RBFOX3: variants seen among roughly 807,000 people sequenced by gnomAD.
RBFOX3 encodes RNA binding protein fox-1 homolog 3.
RBFOX3 carries 17 observed loss-of-function variants against 48.7 expected under a neutral mutation model. The ratio of observed to expected loss-of-function variants is 0.35; its 90% CI spans 0.24 to 0.52. RBFOX3 has a LOEUF of 0.52. Ranked by LOEUF, RBFOX3 falls within the 20% of genes least tolerant of loss-of-function variation. The probability of loss-of-function intolerance (pLI) is 0.94; values close to 1 mark genes in which losing one functional copy is unlikely to be tolerated. For synonymous variants in RBFOX3, 212 were observed against 209.5 expected, an observed-to-expected ratio of 1.01 and a Z score of -0.10; for missense variants, 382 against 497.5, an observed-to-expected ratio of 0.77 and a Z score of 2.21.
Position 79,582,312 on chromosome 17 carries a change from G to A in RBFOX3, c.-320+28514C>T, listed in dbSNP as rs1045272016. Among the ~76,000 whole-genome samples the A allele has an allele frequency of 6.4e-3, 974 of 151,460 alleles. 16 individuals carry two copies. The highest frequency in any genetic ancestry group is 0.023 in the African/African-American group (923 of 40,846). On this transcript the variant is annotated intron_variant, in intron 1 of 14. Transcript: ENST00000693108. ...TGTGTGCATGCATGTGCCTATGCCT[G>A]TGTGTGTGTGCCTGTGCCTGTCCCT...
intron 4 of RBFOX3, among the ~76,000 whole-genome samples, chr17:79,174,165 TAGA>T (rs936636131): frequency 2.6e-5 from 4 of 152,066 alleles, no homozygotes; most frequent in Non-Finnish European, 5.9e-5. Flanking sequence ...AAACACCTGG[TAGA>T]AGGTTTCCTG....
chr17:79,467,815 C>T (rs1475537295), intron 2 of RBFOX3, among the ~76,000 whole-genome samples: 1 of 152,086 alleles, frequency 6.6e-6, no homozygotes, highest in Non-Finnish European at 1.5e-5. Flanking sequence ...CCTTTGAGTC[C>T]TCCCAGGAAG....
At chr17:79,263,402 C>T (rs867944715) in intron 3 of RBFOX3, among the ~76,000 whole-genome samples, 1 of 152,250 alleles carries the variant, frequency 6.6e-6, no homozygotes, top group East Asian at 1.9e-4. Context: ...GTTTGGAACG[C>T]TGGAAGGCAC....
chr17:79,091,761 C>T (rs2073959244), intron 14 of RBFOX3, among the ~76,000 whole-genome samples: 1 of 152,204 alleles, frequency 6.6e-6, no homozygotes, highest in Admixed American at 6.5e-5. Context: ...GCCTCCAGGA[C>T]AACCCCCTTG....
intron 4 of RBFOX3, among the ~76,000 whole-genome samples, chr17:79,174,482 A>C (rs550230085): frequency 6.6e-6 from 1 of 151,482 alleles, no homozygotes; most frequent in Admixed American, 6.6e-5. Context: ...GCAGTCACAC[A>C]CGCATACTGA....
chr17:79,471,279 AG>A lies in RBFOX3; in HGVS notation c.-175+11174del, dbSNP rs1598841208. 6.6e-6 allele frequency among the ~76,000 whole-genome samples: 1 copy of A among 152,180 alleles called. No individual in the cohort carries two copies. The highest frequency in any genetic ancestry group is 1.5e-5 in the Non-Finnish European group (1 of 68,016). ...GCGGGGTACGTGACCAGCACTGGCC[AG>A]GGTGCGACGCTTGGGGTATTCGCAG... On this transcript the variant is annotated intron_variant, in intron 2 of 14. Transcript: ENST00000693108. The surrounding 1 kb of genome is among the most constrained non-coding windows in gnomAD (Gnocchi z 4.0).
At chr17:79,468,862 G>A (rs939742242) in intron 2 of RBFOX3, among the ~76,000 whole-genome samples, 4 of 151,392 alleles carry the variant, frequency 2.6e-5, no homozygotes, top group African/African-American at 9.7e-5. Context: ...ACAGCAGATA[G>A]GCAGGCAGAT....
intron 3 of RBFOX3, among the ~76,000 whole-genome samples, chr17:79,265,264 C>T (rs57630499): frequency 0.049 from 7,499 of 152,260 alleles, 628 homozygotes; most frequent in African/African-American, 0.17. Flanking sequence ...AATGTAATGC[C>T]GTGTCCTCCC....
chr17:79,397,751 G>A (rs970409323), intron 2 of RBFOX3, among the ~76,000 whole-genome samples: 3 of 152,122 alleles, frequency 2.0e-5, no homozygotes, highest in Non-Finnish European at 2.9e-5. Context: ...TACCACCCCC[G>A]GGAGGCCTCC....
chr17:79,623,025 C>T, the RBFOX3 span, among the ~76,000 whole-genome samples: 1 of 152,140 alleles, frequency 6.6e-6, no homozygotes, highest in African/African-American at 2.4e-5. Context: ...ACCCTCAGCT[C>T]CCTCCCCTAC....
At chr17:79,140,184 G>A (rs940929460) in intron 4 of RBFOX3, among the ~76,000 whole-genome samples, 7 of 152,238 alleles carry the variant, frequency 4.6e-5, no homozygotes, top group African/African-American at 1.4e-4. Flanking sequence ...CATACCTGAG[G>A]GGAATGTGCT....
intron 1 of RBFOX3, among the ~76,000 whole-genome samples, chr17:79,519,814 G>T (rs889822359): frequency 6.6e-6 from 1 of 152,100 alleles, no homozygotes; most frequent in African/African-American, 2.4e-5. Context: ...GGGGGTGAGC[G>T]TCCCTGGCTG....
the RBFOX3 span, among the ~76,000 whole-genome samples, chr17:79,645,338 C>A: frequency 6.6e-6 from 1 of 152,092 alleles, no homozygotes; most frequent in Non-Finnish European, 1.5e-5. Flanking sequence ...GACTAGCCAC[C>A]CGCCAGAAAC....
At chr17:79,547,704 C>T (rs922626728) in intron 1 of RBFOX3, among the ~76,000 whole-genome samples, 2 of 152,318 alleles carry the variant, frequency 1.3e-5, no homozygotes, top group African/African-American at 4.8e-5. Flanking sequence ...CAGGGGCTGC[C>T]GTCCAGCACC....
At chr17:79,469,862 G>A (rs2076839991) in intron 2 of RBFOX3, among the ~76,000 whole-genome samples, 1 of 152,118 alleles carries the variant, frequency 6.6e-6, no homozygotes. Context: ...GGGTGCACAG[G>A]GGAGAACGTG....
Position 79,252,783 on chromosome 17 carries a change from C to T in RBFOX3, c.-73-16978G>A, listed in dbSNP as rs1335745701. Among the ~76,000 whole-genome samples the T allele has an allele frequency of 6.6e-6, 1 of 152,224 alleles. No individual in the cohort carries two copies. Among genetic ancestry groups the T allele is most frequent in the Non-Finnish European group, 1.5e-5 (1 of 68,038 alleles). The stretch of plus-strand genomic sequence containing the variant: ...TCTCAATGCCCCTCTCCTTTCCCTT[C>T]CTTTTTGGGTCTTCATGTCCACAGA... On this transcript the variant is annotated intron_variant, in intron 3 of 14. Coordinates refer to ENST00000693108, the MANE Select transcript of RBFOX3 (RefSeq NM_001350451.2). The surrounding 1 kb of genome is among the most constrained non-coding windows in gnomAD (Gnocchi z 4.0).
intron 4 of RBFOX3, among the ~76,000 whole-genome samples, chr17:79,229,921 C>T (rs766966250): frequency 1.1e-4 from 16 of 152,188 alleles, no homozygotes; most frequent in Non-Finnish European, 1.5e-4. Context: ...TGACATGGGA[C>T]GGCAGGTTTC....
intron 3 of RBFOX3, among the ~76,000 whole-genome samples, chr17:79,266,943 A>T (rs959164793): frequency 6.6e-6 from 1 of 152,154 alleles, no homozygotes; most frequent in African/African-American, 2.4e-5. Flanking sequence ...AATCATTTGC[A>T]TGCCACTTTC....
At chr17:79,348,456 C>CTCCA (rs2083277942) in intron 2 of RBFOX3, among the ~76,000 whole-genome samples, 1 of 152,212 alleles carries the variant, frequency 6.6e-6, no homozygotes. Context: ...CCCTCACCCC[C>CTCCA]TCCATCTGCT....
Sources: allele counts gnomAD v4.1 joint callset (sites outside exome capture counted in the v4.1 genomes callset), GRCh38; gene constraint gnomAD v4.1.1; non-coding constraint Gnocchi (gnomAD v3.1); transcripts MANE v1.5; gene names NCBI Gene and HGNC (gene_info 2026-07-23, HGNC 2026-07-21).